The following ATG7 variants were observed in gnomAD, a reference collection of about 807,000 sequenced individuals.
The protein encoded by ATG7 is ubiquitin-like modifier-activating enzyme ATG7.
Under a neutral mutation model 82.4 loss-of-function variants are expected in ATG7, and 70 were observed. The ratio of observed to expected loss-of-function variants is 0.85; its 90% CI spans 0.70 to 1.04. The LOEUF (loss-of-function observed/expected upper bound fraction) is 1.04, where lower values mean the gene tolerates loss of function less well. ATG7 is among the 50% of genes least tolerant of loss of function. ATG7 has a pLI of 0.00. For missense variants in ATG7, 792 were observed against 864.3 expected (o/e 0.92, Z 1.05); for synonymous variants, 287 against 313.0 (o/e 0.92, Z 0.88).
rs376458776 is a variant in ATG7 at position 11,484,503 on chromosome 3, G to A, written c.2079+57577G>A. On this transcript the variant is annotated intron_variant, in intron 20 of 20. Transcript: ENST00000693202. ...TTAATCCATAATTTAGGACAAAATT[G>A]GCACATCTAGCAGATTCTTGGTGAT... Among the ~76,000 whole-genome samples, 96 of 152,244 alleles carry A rather than the reference G, an allele frequency of 6.3e-4. 4 individuals are homozygous for A. The South Asian group carries it at 0.019, about 30-fold the overall frequency.
In ATG7 at chr3:11,298,554, G is replaced by A. The variant is rs765124500; in HGVS notation, c.-10-132G>A. 31 of 793,424 alleles carry A rather than the reference G, an allele frequency of 3.9e-5. No individual in the cohort carries two copies. In the Middle Eastern group the frequency reaches 1.8e-3, roughly 45 times the overall value. 49.1% of individuals were successfully genotyped at this position (793,424 alleles called of 1,614,324 possible). ...TCTTACCACAATCCAAAAAGAAGTT[G>A]TGTTTCAAGGTAGCCTGTAAACATC... On this transcript the variant is annotated intron_variant, in intron 3 of 20. Coordinates refer to ENST00000693202, the MANE Select transcript of ATG7 (RefSeq NM_001349232.2).
At chr3:11,295,584 C>T (rs1945742817) in intron 3 of ATG7, among the ~76,000 whole-genome samples, 2 of 152,040 alleles carry the variant, frequency 1.3e-5, no homozygotes, top group Non-Finnish European at 2.9e-5. Flanking sequence ...TTTAGAAAGC[C>T]ACCACCGCAC....
intron 19 of ATG7, among the ~76,000 whole-genome samples, chr3:11,418,062 C>T (rs970468915): frequency 3.2e-4 from 49 of 151,664 alleles, no homozygotes; most frequent in Non-Finnish European, 6.2e-4. Context: ...CCACCCGCCT[C>T]GGCCTCCCAA....
intron 20 of ATG7, among the ~76,000 whole-genome samples, chr3:11,464,595 G>T (rs776702906): frequency 1.3e-5 from 2 of 152,128 alleles, no homozygotes; most frequent in Non-Finnish European, 2.9e-5. Flanking sequence ...TGCCAAACCT[G>T]GGAATGCCAG....
intron 19 of ATG7, among the ~76,000 whole-genome samples, chr3:11,410,984 T>A (rs2152915865): frequency 6.6e-6 from 1 of 152,344 alleles, no homozygotes; most frequent in African/African-American, 2.4e-5. Flanking sequence ...CTGGATCTAA[T>A]AATTCTCTTT....
At chr3:11,351,827 T>C (rs2075570320) in intron 14 of ATG7, among the ~76,000 whole-genome samples, 1 of 151,476 alleles carries the variant, frequency 6.6e-6, no homozygotes, top group South Asian at 2.1e-4. Context: ...GGGCTTTCCT[T>C]ATATGCTTGA....
intron 20 of ATG7, among the ~76,000 whole-genome samples, chr3:11,489,810 GT>G (rs2090158995): frequency 6.6e-6 from 1 of 151,870 alleles, no homozygotes; most frequent in African/African-American, 2.4e-5. Flanking sequence ...TTAATCCTGA[GT>G]TCTAGTTTGA....
At chr3:11,430,129 G>C (rs1468726363) in intron 20 of ATG7, among the ~76,000 whole-genome samples, 1 of 151,898 alleles carries the variant, frequency 6.6e-6, no homozygotes, top group Admixed American at 6.6e-5. Context: ...ATAGGTATTT[G>C]AGCTTATAAC....
At chr3:11,346,053 A>G (rs1271493602) in intron 13 of ATG7, among the ~76,000 whole-genome samples, 2 of 152,190 alleles carry the variant, frequency 1.3e-5, no homozygotes. Context: ...ATGCCTGTCT[A>G]TGAGGCCTTT....
chr3:11,563,964 A>G, the ATG7 span, among the ~76,000 whole-genome samples: 1 of 152,194 alleles, frequency 6.6e-6, no homozygotes, highest in African/African-American at 2.4e-5. Flanking sequence ...AGCCCCGGTG[A>G]GGCCACAGGG....
chr3:11,301,379 T>C (rs566759909), intron 5 of ATG7, among the ~76,000 whole-genome samples: 12 of 152,326 alleles, frequency 7.9e-5, no homozygotes, highest in African/African-American at 2.4e-4. Context: ...AGAAGTCTTA[T>C]AGGTCTTTCT....
At chr3:11,532,597 C>T (rs1197655177) in intron 20 of ATG7, among the ~76,000 whole-genome samples, 3 of 152,094 alleles carry the variant, frequency 2.0e-5, no homozygotes, top group Non-Finnish European at 4.4e-5. Context: ...GTGGTGCGCA[C>T]CTGTGGTTTC....
chr3:11,463,713 C>T (rs532599268), intron 20 of ATG7, among the ~76,000 whole-genome samples: 4 of 152,330 alleles, frequency 2.6e-5, no homozygotes, highest in East Asian at 1.9e-4. Flanking sequence ...TGCAGACTGG[C>T]GTCTTCTGCT....
At chr3:11,346,614 T>G (rs1954590168) in intron 13 of ATG7, 1 of 152,212 alleles carries the variant, frequency 6.6e-6, no homozygotes, top group Non-Finnish European at 1.5e-5. Flanking sequence ...ATGGCATGTT[T>G]GTAATGTATC....
At chr3:11,553,987 T>A (rs2072106032) in intron 20 of ATG7, among the ~76,000 whole-genome samples, 1 of 152,188 alleles carries the variant, frequency 6.6e-6, no homozygotes. Flanking sequence ...GGACTGGCCC[T>A]CCAGGGAGCC....
chr3:11,360,119 C>T (rs1204863073), intron 15 of ATG7, among the ~76,000 whole-genome samples: 7 of 152,216 alleles, frequency 4.6e-5, no homozygotes, highest in African/African-American at 1.7e-4. Flanking sequence ...AATCTCGGCT[C>T]ACTGCAAACT....
intron 9 of ATG7, among the ~76,000 whole-genome samples, chr3:11,324,275 G>T (rs1204711636): frequency 5.9e-5 from 9 of 152,136 alleles, no homozygotes; most frequent in African/African-American, 1.9e-4. Flanking sequence ...AAAAAATTCT[G>T]TTTAACCGTA....
At chr3:11,350,860 G>C (rs375860500) in intron 14 of ATG7, among the ~76,000 whole-genome samples, 1 of 150,300 alleles carries the variant, frequency 6.7e-6, no homozygotes, top group African/African-American at 2.5e-5. Context: ...GCTGAAGTGG[G>C]AGGAGATCGC....
At chr3:11,340,871 T>G in intron 12 of ATG7, 136 bp downstream of exon 12, 1 of 677,776 alleles carries the variant, frequency 1.5e-6, no homozygotes. Flanking sequence ...ACTCTGCTCT[T>G]CAATTGAAGT....
Sources: allele counts gnomAD v4.1 joint callset (sites outside exome capture counted in the v4.1 genomes callset), GRCh38; gene constraint gnomAD v4.1.1; transcripts MANE v1.5; gene names NCBI Gene and HGNC (gene_info 2026-07-23, HGNC 2026-07-21).